Variants in CHAT observed in about 807,000 individuals in gnomAD.
CHAT encodes acetyl CoA:choline O-acetyltransferase.
In CHAT, 61 loss-of-function variants were observed where a neutral mutation model predicts 76.9. The ratio of observed to expected loss-of-function variants is 0.79; its 90% CI spans 0.65 to 0.98. The LOEUF (loss-of-function observed/expected upper bound fraction) is 0.98, where lower values mean the gene tolerates loss of function less well. Ranked by LOEUF, CHAT falls within the 50% of genes least tolerant of loss-of-function variation. CHAT has a pLI of 0.00. For missense variants in CHAT, 946 were observed against 986.9 expected (o/e 0.96, Z 0.56); for synonymous variants, 407 against 397.4 (o/e 1.02, Z -0.29).
At chr10:49,633,370 C>T (rs1032722822) in intron 7 of CHAT, among the ~76,000 whole-genome samples, 6 of 152,202 alleles carry the variant, frequency 3.9e-5, no homozygotes, top group African/African-American at 9.6e-5. Flanking sequence ...TCCTGGGCAC[C>T]TTCTGTCTTT....
At chr10:49,621,332 G>A (rs569407991) in intron 4 of CHAT, among the ~76,000 whole-genome samples, 7 of 152,250 alleles carry the variant, frequency 4.6e-5, no homozygotes, top group Admixed American at 1.3e-4. Context: ...CCTACCAGCT[G>A]GCCAGCCTTC....
chr10:49,616,132 G>A, intron 1 of CHAT: 4 of 1,561,794 alleles, frequency 2.6e-6, no homozygotes, highest in Non-Finnish European at 2.6e-6. Context: ...GAAAGAGAGA[G>A]TTTGATTGGC....
At chr10:49,615,563 G>A (rs1030101532) in intron 1 of CHAT, among the ~76,000 whole-genome samples, 5 of 152,204 alleles carry the variant, frequency 3.3e-5, no homozygotes, top group Admixed American at 2.0e-4. Context: ...TGGGGAGAGG[G>A]GTGAGGAAAT....
At chr10:49,658,317 T>A (rs957339992) in intron 13 of CHAT, among the ~76,000 whole-genome samples, 1 of 151,662 alleles carries the variant, frequency 6.6e-6, no homozygotes, top group Non-Finnish European at 1.5e-5. Context: ...GGAGTTCAAG[T>A]CCAGCCTGAC....
intron 13 of CHAT, among the ~76,000 whole-genome samples, chr10:49,662,185 C>A (rs1363744440): frequency 1.3e-5 from 2 of 152,196 alleles, no homozygotes; most frequent in Non-Finnish European, 2.9e-5. Flanking sequence ...GGAGTCTGTT[C>A]AGGACAGCCT....
At chr10:49,628,428 C>T (rs900750526) in intron 7 of CHAT, among the ~76,000 whole-genome samples, 2 of 152,210 alleles carry the variant, frequency 1.3e-5, no homozygotes, top group Non-Finnish European at 2.9e-5. Flanking sequence ...AGCAAGACTT[C>T]TGTGAGTCTT....
intron 6 of CHAT, 127 bp from the exon 7 acceptor site, chr10:49,627,481 A>G: frequency 1.0e-6 from 1 of 968,666 alleles, no homozygotes; most frequent in Non-Finnish European, 1.7e-6. Context: ...TGAGACTAGA[A>G]CCACCAAACA....
intron 7 of CHAT, among the ~76,000 whole-genome samples, chr10:49,634,155 C>T (rs959513223): frequency 5.3e-5 from 8 of 152,206 alleles, no homozygotes; most frequent in Admixed American, 3.3e-4. Context: ...AGAATGAAGG[C>T]CTTTAGGGAC....
chr10:49,627,750 G>C lies in CHAT; in HGVS notation c.1076G>C (p.Ser359Thr). 6.2e-7 allele frequency: 1 copy of C among 1,614,030 alleles called. No individual in the cohort carries two copies. The highest frequency in any genetic ancestry group is 1.1e-5 in the South Asian group (1 of 91,076). The change falls in exon 7 of 15, where the codon AGC (serine) becomes ACC (threonine). Residue 359 changes from serine to threonine, a missense_variant. Transcript: ENST00000337653. ...GGCCTGCTGACGTCTGACGGGAGGA[G>C]CGAGTGGGCCGAGGCCAGGACGGTC... ...PIGLLTSDGR[S>T]EWAEARTVLV...
Position 49,652,189 on chromosome 10 carries a change from A to G in CHAT, c.1634+183A>G, listed in dbSNP as rs7076082. Among the ~76,000 whole-genome samples the G allele has an allele frequency of 0.4, 61,436 of 152,056 alleles. 12,933 individuals are homozygous for G. The highest frequency in any genetic ancestry group is 0.48 in the South Asian group (2,324 of 4,798). On this transcript the variant is annotated intron_variant, in intron 11 of 14. Transcript: ENST00000337653. ...TGGGTTACAAATCCAACCTCAGAAC[A>G]AGAAGGATGTGCCATCAGGGAACTG...
chr10:49,651,315 G>C (rs1307902347), intron 10 of CHAT, among the ~76,000 whole-genome samples: 1 of 151,760 alleles, frequency 6.6e-6, no homozygotes, highest in African/African-American at 2.4e-5. Context: ...GGAGAGGCAG[G>C]CAGGGAGCAT....
At chr10:49,613,452 A>G (rs1020220319), upstream of CHAT, among the ~76,000 whole-genome samples, 7 of 152,166 alleles carry the variant, frequency 4.6e-5, no homozygotes, top group African/African-American at 9.7e-5. Context: ...CGTTCGCGCA[A>G]CACTCCATGT....
At chr10:49,613,976 A>C (rs1263863835), upstream of CHAT, 2 of 833,576 alleles carry the variant, frequency 2.4e-6, no homozygotes, top group East Asian at 5.4e-5. Flanking sequence ...AACCCTCTCC[A>C]GGATTCAGCA....
Position 49,627,507 on chromosome 10 carries a change from G to A in CHAT, c.934-101G>A, listed in dbSNP as rs950504295. On this transcript the variant is annotated intron_variant, in intron 6 of 14. Coordinates refer to ENST00000337653, the MANE Select transcript of CHAT (RefSeq NM_020549.5). ...CCACCAAACACCTTGGGAACCTTGG[G>A]CCTGAGCATCCCTGCCCCAAGCTTA... 6 of 1,226,444 alleles carry A rather than the reference G, an allele frequency of 4.9e-6. No homozygotes were observed. The Admixed American group carries it at 6.7e-5, about 14-fold the overall frequency. The allele number at this position is 1,226,444 out of a possible 1,614,324, so 76.0% of individuals were successfully genotyped here.
rs1234979606 is a variant in CHAT at position 49,646,525 on chromosome 10, C to T, written c.1132C>T (p.Leu378=). The T allele has an allele frequency of 2.5e-6, 4 of 1,614,236 alleles. No homozygotes were observed. In the East Asian group the frequency reaches 6.7e-5, roughly 27 times the overall value. ...TGCAGACTCCACCAACCGGGACTCG[C>T]TGGACATGATTGAGCGCTGCATCTG... is the stretch of plus-strand genomic sequence containing the variant. The part of the protein sequence containing the change: ...LVKDSTNRDS[L]DMIERCICLV... The change falls in exon 8 of 15, where the codon CTG becomes TTG. Residue 378 remains leucine, a synonymous_variant. Coordinates refer to ENST00000337653, the MANE Select transcript of CHAT (RefSeq NM_020549.5).
Position 49,625,539 on chromosome 10 carries a change from C to T in CHAT, c.819C>T (p.Tyr273=), listed in dbSNP as rs1838886496. ...GGCAGCCCCTTTGCATGAAGCAATACTATGGGCTCTTCTCCTCCTACCGGC... is the reference window on the plus strand; with the variant it reads ...GGCAGCCCCTTTGCATGAAGCAATATTATGGGCTCTTCTCCTCCTACCGGC... ...LSGQPLCMKQ[Y]YGLFSSYRLP... The change falls in exon 6 of 15, where the codon TAC becomes TAT. Residue 273 remains tyrosine, a synonymous_variant. Coordinates refer to ENST00000337653, the MANE Select transcript of CHAT (RefSeq NM_020549.5). The T allele has an allele frequency of 5.0e-6, 8 of 1,613,684 alleles. No homozygotes were observed. The highest frequency in any genetic ancestry group is 3.4e-4 in the Middle Eastern group (2 of 5,874).
At chr10:49,611,543 C>T, upstream of CHAT, 4 of 1,603,370 alleles carry the variant, frequency 2.5e-6, no homozygotes, top group South Asian at 1.1e-5. Flanking sequence ...CCCTTCTCGG[C>T]GGCTGCACGG....
intron 13 of CHAT, 84 bp from the exon 14 acceptor site, chr10:49,662,561 C>A (rs1840225488): frequency 2.6e-6 from 4 of 1,558,744 alleles, no homozygotes; most frequent in Non-Finnish European, 3.5e-6. Flanking sequence ...GAGTCACCAG[C>A]AGTCCTGTAG....
In CHAT at chr10:49,627,636, T is replaced by G. The variant is rs1225876788; in HGVS notation, c.962T>G (p.Phe321Cys). The change falls in exon 7 of 15, where the codon TTC (phenylalanine) becomes TGC (cysteine). Residue 321 changes from phenylalanine to cysteine, a missense_variant. By Grantham distance (205) the Phe-to-Cys change is radical. Transcript: ENST00000337653. ...TTTGTCTTGGATGTTGTCATTAATT[T>G]CCGCCGTCTCAGTGAGGGGGATCTG... ...QFFVLDVVIN[F>C]RRLSEGDLFT... 2 of 1,614,166 alleles carry G rather than the reference T, an allele frequency of 1.2e-6. No homozygotes were observed. The highest frequency in any genetic ancestry group is 3.3e-5 in the Admixed American group (2 of 60,028).
Sources: allele counts gnomAD v4.1 joint callset (sites outside exome capture counted in the v4.1 genomes callset), GRCh38; gene constraint gnomAD v4.1.1; transcripts MANE v1.5; gene names NCBI Gene and HGNC (gene_info 2026-07-23, HGNC 2026-07-21).